Variants in SEPHS1 observed in about 807,000 individuals in gnomAD.
SEPHS1 encodes selenophosphate synthetase 1, also known as zincore component SEPHS1.
A neutral mutation model predicts 39.2 loss-of-function variants in SEPHS1; 7 were observed. The ratio of observed to expected loss-of-function variants is 0.18; its 90% CI spans 0.10 to 0.34. The LOEUF is 0.34. SEPHS1 is among the 10% of genes least tolerant of loss of function. The probability of loss-of-function intolerance (pLI) is 1.00; values close to 1 mark genes in which losing one functional copy is unlikely to be tolerated. For synonymous variants in SEPHS1, 190 were observed against 195.5 expected, an observed-to-expected ratio of 0.97 and a Z score of 0.23; for missense variants, 253 against 514.5, an observed-to-expected ratio of 0.49 and a Z score of 4.92.
intron 8 of SEPHS1, chr10:13,322,040 G>C (rs377443870): frequency 2.2e-6 from 1 of 455,490 alleles, no homozygotes; most frequent in Admixed American, 2.4e-5. Context: ...CTCCATTTAT[G>C]TTTCCTCTAA....
At chr10:13,320,660 A>G (rs1281509346) in intron 8 of SEPHS1, among the ~76,000 whole-genome samples, 1 of 151,812 alleles carries the variant, frequency 6.6e-6, no homozygotes, top group African/African-American at 2.4e-5. Context: ...CCTGGCCAAC[A>G]TGGTAAAACC....
rs1453244501 is a variant in SEPHS1 at position 13,318,798 on chromosome 10, A to G, written c.*344T>C. On this transcript the variant is annotated 3_prime_UTR_variant, in exon 9 of 9. Coordinates refer to ENST00000327347, the MANE Select transcript of SEPHS1 (RefSeq NM_012247.5). ...ACATAAAATGAAGACACCAACTGCT[A>G]TTTGACACGACTACGGGTAATGCCT... 4.3e-6 allele frequency: 1 copy of G among 231,696 alleles called. No homozygotes were observed. Among genetic ancestry groups the G allele is most frequent in the African/African-American group, 2.3e-5 (1 of 42,810 alleles). The allele number at this position is 231,696 out of a possible 1,614,324, so 14.4% of individuals were successfully genotyped here.
At chr10:13,340,327 G>C (rs543792812) in intron 2 of SEPHS1, among the ~76,000 whole-genome samples, 2 of 152,110 alleles carry the variant, frequency 1.3e-5, no homozygotes, top group African/African-American at 4.8e-5. Flanking sequence ...GAGAAGTGAA[G>C]TTCAGAATGG....
intron 5 of SEPHS1, among the ~76,000 whole-genome samples, chr10:13,332,109 G>A (rs1833489745): frequency 6.6e-6 from 1 of 152,170 alleles, no homozygotes; most frequent in Admixed American, 6.5e-5. Flanking sequence ...ATTCCTAATA[G>A]GTGGAAACAA....
At chr10:13,338,901 G>C (rs1341484342) in intron 2 of SEPHS1, 93 bp from the exon 3 acceptor site, 3 of 916,226 alleles carry the variant, frequency 3.3e-6, no homozygotes, top group Non-Finnish European at 5.4e-6. Context: ...GAGCTCATAA[G>C]ATACTTATGG....
rs1468296697 is a variant in SEPHS1 at position 13,336,248 on chromosome 10, C to T, written c.400G>A (p.Asp134Asn). The T allele has an allele frequency of 1.9e-6, 3 of 1,609,628 alleles. No homozygotes were observed. The highest frequency in any genetic ancestry group is 8.5e-7 in the Non-Finnish European group (1 of 1,176,206). The change falls in exon 4 of 9, where the codon GAC becomes AAC. Residue 134 changes from aspartate to asparagine, a missense_variant. Asp to Asn is a conservative substitution (Grantham distance 23). This residue lies in a region of SEPHS1 where 123 missense variants were observed against 196.8 expected (regional missense o/e 0.62). Transcript: ENST00000327347. ...MLLGVSNKMT[D>N]RERDKVMPLI... ...GCCGGGTAGCTCCTACTTACCCTGT[C>T]GGTCATTTTATTACTGACTCCAAGG...
At position 13,325,910 on chromosome 10, in the gene SEPHS1, AAAAAAAAAAAAAAAAAAAAAAAAGAGAC is replaced by A. The variant is rs1833256278; in HGVS notation, c.751+2413_751+2440del. Among the ~76,000 whole-genome samples the A allele has an allele frequency of 2.6e-4, 7 of 26,660 alleles. 1 individual carries two copies. Among genetic ancestry groups the A allele is most frequent in the African/African-American group, 1.2e-3 (6 of 4,894 alleles). The allele number at this position is 26,660 out of a possible 152,430, so 17.5% of individuals were successfully genotyped here. On this transcript the variant is annotated intron_variant, in intron 7 of 8. Coordinates refer to ENST00000327347, the MANE Select transcript of SEPHS1 (RefSeq NM_012247.5). ...GACTCCGTCTCAAAAAAAAAAAAAA[AAAAAAAAAAAAAAAAAAAAAAAAGAGAC>A]TCAGTCTCAAAAAAAAAAAAAAAAA... is the stretch of plus-strand genomic sequence containing the variant.
At chr10:13,325,962 A>T (rs11258325) in intron 7 of SEPHS1, among the ~76,000 whole-genome samples, 32,369 of 67,386 alleles carry the variant, frequency 0.48, 5,568 homozygotes, top group South Asian at 0.57. Context: ...AAAAAAAAAA[A>T]AATAATAATA....
intron 5 of SEPHS1, 70 bp downstream of exon 5, chr10:13,333,733 CCTGACCTTAATACA>C (rs1189760405): frequency 3.5e-6 from 5 of 1,434,066 alleles, no homozygotes; most frequent in Non-Finnish European, 4.8e-6. Flanking sequence ...AGCCACTGCA[CCTGACCTTAATACA>C]TCAATTTTTA....
In SEPHS1 at chr10:13,338,773, G is replaced by A. The variant is rs753857844; in HGVS notation, c.229C>T (p.His77Tyr). ...GMDTCVIPLR[H>Y]GGLSLVQTTD... Reference sequence around the variant, plus strand: ...GTTTGAACCAAGGAAAGCCCACCGTGCCTCAAAGGAATGACACAAGTATCC... The same window carrying A: ...GTTTGAACCAAGGAAAGCCCACCGTACCTCAAAGGAATGACACAAGTATCC... The change falls in exon 3 of 9, where the codon CAC becomes TAC. Residue 77 changes from histidine to tyrosine, a missense_variant. Physicochemically the swap from His to Tyr is moderately conservative, Grantham distance 83 (BLOSUM62 2). Transcript: ENST00000327347. The A allele has an allele frequency of 6.2e-7, 1 of 1,614,122 alleles. No homozygotes were observed. Among genetic ancestry groups the A allele is most frequent in the Non-Finnish European group, 8.5e-7 (1 of 1,179,970 alleles).
At chr10:13,324,483 A>T (rs1046401091) in intron 7 of SEPHS1, among the ~76,000 whole-genome samples, 1 of 152,234 alleles carries the variant, frequency 6.6e-6, no homozygotes, top group African/African-American at 2.4e-5. Flanking sequence ...ATATAATAAC[A>T]TATTTAGTTT....
At chr10:13,347,063 T>C (rs1283348684) in intron 1 of SEPHS1, among the ~76,000 whole-genome samples, 1 of 152,146 alleles carries the variant, frequency 6.6e-6, no homozygotes, top group African/African-American at 2.4e-5. Flanking sequence ...GGGGGATCCA[T>C]TTGCATTAAT....
At chr10:13,328,127 T>C (rs2131700470) in intron 7 of SEPHS1, among the ~76,000 whole-genome samples, 1 of 152,314 alleles carries the variant, frequency 6.6e-6, no homozygotes, top group Non-Finnish European at 1.5e-5. Context: ...ATAGTTCCTC[T>C]GGTATGTCAG....
At chr10:13,326,473 C>CAA (rs34250326) in intron 7 of SEPHS1, among the ~76,000 whole-genome samples, 33 of 131,326 alleles carry the variant, frequency 2.5e-4, no homozygotes, top group Middle Eastern at 4.0e-3. Flanking sequence ...AACTCCATCT[C>CAA]AAAAAAAAAA....
At chr10:13,325,154 T>A (rs1032658383) in intron 7 of SEPHS1, among the ~76,000 whole-genome samples, 21 of 152,366 alleles carry the variant, frequency 1.4e-4, no homozygotes, top group African/African-American at 5.0e-4. Flanking sequence ...GCAGAAGTTT[T>A]TTATATTAAT....
At chr10:13,327,533 C>A (rs1180340762) in intron 7 of SEPHS1, among the ~76,000 whole-genome samples, 1 of 152,090 alleles carries the variant, frequency 6.6e-6, no homozygotes, top group Non-Finnish European at 1.5e-5. Context: ...CTATAATAAG[C>A]ATGTAATTCT....
In SEPHS1 at chr10:13,319,162, T is replaced by C; in HGVS notation, c.1159A>G (p.Thr387Ala). ...PQVATQNVNP[T>A]PGATS ...CTAGATTAAGAGGTGGCCCCGGGTG[T>C]GGGATTCACATTTTGAGTGGCCACT... The change falls in exon 9 of 9, where the codon ACA (threonine) becomes GCA (alanine). Residue 387 changes from threonine (T) to alanine (A), a missense_variant. Transcript: ENST00000327347. 6.2e-7 allele frequency: 1 copy of C among 1,612,958 alleles called. No individual in the cohort carries two copies. Among genetic ancestry groups the C allele is most frequent in the Non-Finnish European group, 8.5e-7 (1 of 1,179,662 alleles).
chr10:13,333,811 A>G lies in SEPHS1; in HGVS notation c.560+6T>C, dbSNP rs1236285223. 1.9e-6 allele frequency: 3 copies of G among 1,612,076 alleles called. No homozygotes were observed. The highest frequency in any genetic ancestry group is 1.1e-5 in the South Asian group (1 of 90,720). On this transcript the variant is annotated splice_donor_region_variant and intron_variant, in intron 5 of 8. Coordinates refer to ENST00000327347, the MANE Select transcript of SEPHS1 (RefSeq NM_012247.5). ...GTCAGGTGATATGAAACAAAAATCA[A>G]CTTACATGATAAATTCATTGGGTTG...
At chr10:13,320,173 T>C (rs1833061054) in intron 8 of SEPHS1, among the ~76,000 whole-genome samples, 2 of 152,094 alleles carry the variant, frequency 1.3e-5, no homozygotes, top group African/African-American at 2.4e-5. Context: ...CTCTTTCCAG[T>C]AAATAGGCCA....
Sources: gnomAD v4.1 joint callset for allele counts (sites outside exome capture counted in the v4.1 genomes callset) on GRCh38, gnomAD v4.1.1 for gene constraint, gnomAD v4.1.1 regional missense constraint, MANE v1.5 for transcripts, NCBI Gene and HGNC (gene_info 2026-07-23, HGNC 2026-07-21) for gene names.